The following SDK1 variants were observed in gnomAD, a reference collection of about 807,000 sequenced individuals.
SDK1 encodes protein sidekick-1.
In SDK1, 157 loss-of-function variants were observed where a neutral mutation model predicts 245.5. The observed-to-expected ratio is 0.64, with a 90% confidence interval of 0.56 to 0.73. The LOEUF is 0.73. Among genes scored for constraint, SDK1 ranks in the 30% least tolerant of loss-of-function variants. The probability of loss-of-function intolerance (pLI) is 0.00; values close to 1 mark genes in which losing one functional copy is unlikely to be tolerated. For synonymous variants in SDK1, 1,647 were observed against 1,278.5 expected (o/e 1.29, Z -6.15); for missense variants, 3,583 against 3,002.3 (o/e 1.19, Z -4.52).
At chr7:4,258,102 C>T (rs1280629294) in intron 44 of SDK1, among the ~76,000 whole-genome samples, 2 of 152,188 alleles carry the variant, frequency 1.3e-5, no homozygotes, top group African/African-American at 4.8e-5. Flanking sequence ...GACTACAGGA[C>T]TTTTAGATCT....
intron 36 of SDK1, among the ~76,000 whole-genome samples, chr7:4,207,229 C>A (rs1021012189): frequency 2.0e-5 from 3 of 152,194 alleles, no homozygotes; most frequent in Non-Finnish European, 4.4e-5. Flanking sequence ...GCTGCCTCCC[C>A]GAAGCCTCCG....
Position 3,804,035 on chromosome 7 carries a change from A to T in SDK1, c.714-17415A>T, listed in dbSNP as rs377383308. ...TGCCTTGGCCTCCCAAAGTGCTGGG[A>T]TTACAGGCATGAGCCACCCTGCCCA... On this transcript the variant is annotated intron_variant, in intron 4 of 44. Coordinates refer to ENST00000404826, the MANE Select transcript of SDK1 (RefSeq NM_152744.4). 2.2e-3 allele frequency among the ~76,000 whole-genome samples: 330 copies of T among 152,312 alleles called. 7 individuals are homozygous for T. The South Asian group carries it at 0.029, about 13-fold the overall frequency.
intron 4 of SDK1, among the ~76,000 whole-genome samples, chr7:3,762,365 G>A (rs1427354320): frequency 6.6e-6 from 1 of 152,200 alleles, no homozygotes; most frequent in East Asian, 1.9e-4. Context: ...AGGATGAAGG[G>A]CGGCTCTGCG....
At chr7:4,032,785 A>G (rs935314650) in intron 17 of SDK1, among the ~76,000 whole-genome samples, 2 of 152,244 alleles carry the variant, frequency 1.3e-5, no homozygotes, top group Non-Finnish European at 2.9e-5. Flanking sequence ...TAGCAAACAC[A>G]TACGAAGAAA....
chr7:3,932,064 G>A (rs1327125873), intron 5 of SDK1, among the ~76,000 whole-genome samples: 1 of 152,138 alleles, frequency 6.6e-6, no homozygotes, highest in African/African-American at 2.4e-5. Flanking sequence ...GACCTGCCAC[G>A]TTTTTAATAG....
At chr7:3,646,108 C>T (rs926676439) in intron 4 of SDK1, among the ~76,000 whole-genome samples, 13 of 152,146 alleles carry the variant, frequency 8.5e-5, no homozygotes, top group Non-Finnish European at 1.9e-4. Flanking sequence ...CCACCCACCT[C>T]GGCCTCCCAG....
chr7:3,604,784 G>T (rs1162115145), intron 1 of SDK1, among the ~76,000 whole-genome samples: 2 of 151,032 alleles, frequency 1.3e-5, no homozygotes, highest in Non-Finnish European at 3.0e-5. Context: ...GTATTTTTAG[G>T]TGAGACAGGG....
At chr7:3,532,180 C>T (rs180719121) in intron 1 of SDK1, among the ~76,000 whole-genome samples, 1 of 152,208 alleles carries the variant, frequency 6.6e-6, no homozygotes, top group Admixed American at 6.5e-5. Flanking sequence ...CTGTTTTTTC[C>T]ACCTCCAGTA....
chr7:3,917,120 AC>A (rs1182836957), intron 5 of SDK1, among the ~76,000 whole-genome samples: 3 of 152,344 alleles, frequency 2.0e-5, no homozygotes, highest in African/African-American at 2.4e-5. Flanking sequence ...TATAAAACAT[AC>A]AAAAATTCAG....
At chr7:3,990,926 G>C (rs7804507) in intron 14 of SDK1, among the ~76,000 whole-genome samples, 57,096 of 152,070 alleles carry the variant, frequency 0.38, 11,132 homozygotes, top group African/African-American at 0.48. Context: ...AGCAGGTTTC[G>C]TGTGTAACTA....
At chr7:3,365,900 G>A (rs949413876) in intron 1 of SDK1, among the ~76,000 whole-genome samples, 30 of 152,120 alleles carry the variant, frequency 2.0e-4, no homozygotes, top group African/African-American at 6.5e-4. Context: ...TTAGCTAGGC[G>A]TGGTGGCGGG....
At chr7:3,511,854 G>A (rs762757640) in intron 1 of SDK1, among the ~76,000 whole-genome samples, 2 of 148,228 alleles carry the variant, frequency 1.3e-5, no homozygotes, top group African/African-American at 2.5e-5. Context: ...TGAGTAGCTG[G>A]TACACTGATA....
At chr7:3,628,243 A>T (rs1351072029) in intron 2 of SDK1, among the ~76,000 whole-genome samples, 1 of 152,142 alleles carries the variant, frequency 6.6e-6, no homozygotes, top group African/African-American at 2.4e-5. Flanking sequence ...TTCTGTTAAT[A>T]ATTCCCTCAT....
intron 1 of SDK1, among the ~76,000 whole-genome samples, chr7:3,304,369 G>A (rs545883976): frequency 1.3e-5 from 2 of 152,326 alleles, no homozygotes; most frequent in East Asian, 3.9e-4. Context: ...TTGGAAGGAT[G>A]ACTTCTGAGG....
At chr7:3,642,938 A>G (rs1411135289) in intron 4 of SDK1, 2 of 152,234 alleles carry the variant, frequency 1.3e-5, no homozygotes, top group Non-Finnish European at 2.9e-5. Flanking sequence ...TCAGGAGCAA[A>G]TACTATTGTT....
At chr7:3,611,556 G>A (rs1017566232) in intron 1 of SDK1, among the ~76,000 whole-genome samples, 24 of 152,064 alleles carry the variant, frequency 1.6e-4, no homozygotes, top group African/African-American at 5.8e-4. Context: ...CCTCTGGGTA[G>A]ATACCCAGGA....
intron 5 of SDK1, among the ~76,000 whole-genome samples, chr7:3,879,428 G>T (rs1781152003): frequency 6.6e-6 from 1 of 152,144 alleles, no homozygotes; most frequent in Admixed American, 6.5e-5. Context: ...CAGCCGCTGG[G>T]CTCAGCCACT....
intron 5 of SDK1, among the ~76,000 whole-genome samples, chr7:3,903,482 G>A (rs1288645020): frequency 2.0e-5 from 3 of 152,226 alleles, no homozygotes; most frequent in Non-Finnish European, 2.9e-5. Flanking sequence ...GGAAGTGTTG[G>A]CAAGAAGTAG....
intron 33 of SDK1, among the ~76,000 whole-genome samples, chr7:4,174,922 G>A (rs548673512): frequency 3.6e-4 from 55 of 152,304 alleles, no homozygotes; most frequent in African/African-American, 1.3e-3. Flanking sequence ...AGGTTAGAGG[G>A]GGTTCATTTC....
Sources: gnomAD v4.1 joint callset for allele counts (sites outside exome capture counted in the v4.1 genomes callset) on GRCh38, gnomAD v4.1.1 for gene constraint, MANE v1.5 for transcripts, NCBI Gene and HGNC (gene_info 2026-07-23, HGNC 2026-07-21) for gene names.